The following ELMOD1 variants were observed in gnomAD, a reference collection of about 807,000 sequenced individuals.
ELMOD1 encodes ELMO domain containing 1.
Under a neutral mutation model 46.7 loss-of-function variants are expected in ELMOD1, and 21 were observed. That is an observed-to-expected ratio of 0.45 (90% CI 0.32 to 0.65). The LOEUF is 0.65. Among genes scored for constraint, ELMOD1 ranks in the 30% least tolerant of loss-of-function variants. The probability of loss-of-function intolerance (pLI) is 0.04; values close to 1 mark genes in which losing one functional copy is unlikely to be tolerated. For missense variants in ELMOD1, 348 were observed against 407.8 expected, an observed-to-expected ratio of 0.85 and a Z score of 1.26; for synonymous variants, 122 against 138.2, an observed-to-expected ratio of 0.88 and a Z score of 0.82.
chr11:107,664,741 G>C (rs535422064), intron 11 of ELMOD1, among the ~76,000 whole-genome samples: 1 of 136,660 alleles, frequency 7.3e-6, no homozygotes, highest in Non-Finnish European at 1.5e-5. Context: ...TTCCCGATGC[G>C]ATTCATACTC....
chr11:107,594,223 G>A (rs900121280), intron 1 of ELMOD1, among the ~76,000 whole-genome samples: 2 of 151,828 alleles, frequency 1.3e-5, no homozygotes, highest in African/African-American at 4.8e-5. Context: ...TAGCAGTTTT[G>A]ACAGGGCTGG....
chr11:107,612,166 G>T (rs950069448), intron 1 of ELMOD1, among the ~76,000 whole-genome samples: 2 of 152,156 alleles, frequency 1.3e-5, no homozygotes, highest in African/African-American at 4.8e-5. Flanking sequence ...GTATACCATA[G>T]AATACTACAC....
chr11:107,595,603 A>C (rs1192846929), intron 1 of ELMOD1, among the ~76,000 whole-genome samples: 6 of 152,182 alleles, frequency 3.9e-5, no homozygotes, highest in Admixed American at 2.0e-4. Context: ...CTTAACTGAA[A>C]TTGTGTGCCC....
chr11:107,622,836 C>T (rs1245290515), intron 2 of ELMOD1, among the ~76,000 whole-genome samples: 1 of 152,174 alleles, frequency 6.6e-6, no homozygotes. Context: ...ATACCTCTCT[C>T]ACTGTAGACT....
At chr11:107,615,497 T>G (rs1451348087) in intron 1 of ELMOD1, among the ~76,000 whole-genome samples, 1 of 152,056 alleles carries the variant, frequency 6.6e-6, no homozygotes, top group Non-Finnish European at 1.5e-5. Context: ...CCTCCCAAAG[T>G]GCTGGGATTA....
intron 2 of ELMOD1, 49 bp downstream of exon 2, chr11:107,618,255 T>C: frequency 6.5e-7 from 1 of 1,542,104 alleles, no homozygotes. Context: ...GGGAGAAACC[T>C]CCTCACTGGT....
intron 11 of ELMOD1, among the ~76,000 whole-genome samples, chr11:107,662,619 AAC>A (rs1491491446): frequency 1.4e-5 from 2 of 148,146 alleles, no homozygotes; most frequent in African/African-American, 5.1e-5. Context: ...TCAAAAAAAA[AAC>A]AACAAAAAAA....
chr11:107,657,354 GGCAACATA>G (rs1438704122), intron 11 of ELMOD1, among the ~76,000 whole-genome samples: 6 of 152,228 alleles, frequency 3.9e-5, no homozygotes, highest in South Asian at 2.1e-4. Flanking sequence ...GACCAGCCCA[GGCAACATA>G]GCGAGACCCT....
At chr11:107,648,922 G>C (rs757924734) in intron 7 of ELMOD1, among the ~76,000 whole-genome samples, 2 of 151,894 alleles carry the variant, frequency 1.3e-5, no homozygotes, top group Non-Finnish European at 2.9e-5. Context: ...TTTCAAGTTG[G>C]TTCTTGTGTC....
intron 5 of ELMOD1, among the ~76,000 whole-genome samples, chr11:107,633,680 C>T (rs913079131): frequency 6.6e-6 from 1 of 152,184 alleles, no homozygotes; most frequent in Non-Finnish European, 1.5e-5. Context: ...ATCTGCCCGC[C>T]TCTGCCTCCC....
chr11:107,620,779 G>A (rs540446342), intron 2 of ELMOD1, among the ~76,000 whole-genome samples: 3 of 152,320 alleles, frequency 2.0e-5, no homozygotes, highest in South Asian at 2.1e-4. Flanking sequence ...CAGGAGAATC[G>A]CTTGAACCAG....
intron 5 of ELMOD1, among the ~76,000 whole-genome samples, chr11:107,633,167 G>C (rs1011573860): frequency 2.6e-5 from 4 of 152,148 alleles, no homozygotes; most frequent in Admixed American, 2.0e-4. Context: ...TCCCAAGCAT[G>C]TCAGATAAGG....
At chr11:107,644,298 A>G (rs896826633) in intron 6 of ELMOD1, among the ~76,000 whole-genome samples, 1 of 151,530 alleles carries the variant, frequency 6.6e-6, no homozygotes, top group African/African-American at 2.4e-5. Flanking sequence ...CCTGTCTCCA[A>G]AGAAAAAAAA....
intron 1 of ELMOD1, among the ~76,000 whole-genome samples, chr11:107,614,336 A>T (rs1865825801): frequency 6.6e-6 from 1 of 152,054 alleles, no homozygotes; most frequent in South Asian, 2.1e-4. Context: ...TATTACAATC[A>T]GAGTATTTTG....
rs564742662 is a variant in ELMOD1, at chr11:107,655,842, G to A, written c.699-91G>A. The A allele has an allele frequency of 5.2e-6, 7 of 1,348,990 alleles. No individual in the cohort carries two copies. In the East Asian group the frequency reaches 9.8e-5, roughly 19 times the overall value. 83.6% of individuals were successfully genotyped at this position (1,348,990 alleles called of 1,614,324 possible). A position where few individuals can be genotyped will look rare whatever the true frequency, so the allele number is the denominator to read the frequency against. On this transcript the variant is annotated intron_variant, in intron 10 of 11. Transcript: ENST00000265840. ...ACCATGGCATTTGTACACTGTCGTGGCACTGGTAGGAGTGTCTTTTAGCAT... is the reference window on the plus strand; with the variant it reads ...ACCATGGCATTTGTACACTGTCGTGACACTGGTAGGAGTGTCTTTTAGCAT...
chr11:107,635,843 G>GA lies in ELMOD1; in HGVS notation c.420+78_420+79insA, dbSNP rs1866220941. 4 of 1,436,052 alleles carry GA rather than the reference G, an allele frequency of 2.8e-6. 1 individual carries two copies. In the East Asian group the frequency reaches 1.0e-4, roughly 37 times the overall value. 89.0% of individuals were successfully genotyped at this position (1,436,052 alleles called of 1,614,324 possible). ...AGGCACCTGCTATGTGCTAGGCGCT[G>GA]CTCTGGACATCAGGGGTACAAAGAT... On this transcript the variant is annotated intron_variant, in intron 6 of 11. Coordinates refer to ENST00000265840, the MANE Select transcript of ELMOD1 (RefSeq NM_018712.4).
chr11:107,595,984 C>T (rs1236079513), intron 1 of ELMOD1, among the ~76,000 whole-genome samples: 1 of 151,946 alleles, frequency 6.6e-6, no homozygotes, highest in Non-Finnish European at 1.5e-5. Flanking sequence ...TGGTGCAAGG[C>T]AAAATAATTG....
At chr11:107,603,401 T>TGGTGG in intron 1 of ELMOD1, among the ~76,000 whole-genome samples, 2 of 151,970 alleles carry the variant, frequency 1.3e-5, no homozygotes, top group South Asian at 4.2e-4. Flanking sequence ...TAGCTGTGCG[T>TGGTGG]GGTGGTGCAT....
At position 107,656,028 on chromosome 11, in the gene ELMOD1, C is replaced by T; in HGVS notation, c.794C>T (p.Pro265Leu). ...AAAACCCATTTCTACAATATCGCCC[C>T]AGAAGCTCCAACATTGTCTCACTTT... Reference protein sequence around the residue: ...ALKTHFYNIAPEAPTLSHFQQ... With the variant: ...ALKTHFYNIALEAPTLSHFQQ... The change falls in exon 11 of 12, where the codon CCA (proline) becomes CTA (leucine). Residue 265 changes from proline to leucine, a missense_variant. Physicochemically the swap from Pro to Leu is moderately conservative, Grantham distance 98. Coordinates refer to ENST00000265840, the MANE Select transcript of ELMOD1 (RefSeq NM_018712.4). 1.3e-6 allele frequency: 2 copies of T among 1,560,384 alleles called. No individual in the cohort carries two copies. Among genetic ancestry groups the T allele is most frequent in the Non-Finnish European group, 1.7e-6 (2 of 1,150,508 alleles).
Sources: gnomAD v4.1 joint callset for allele counts (sites outside exome capture counted in the v4.1 genomes callset) on GRCh38, gnomAD v4.1.1 for gene constraint, MANE v1.5 for transcripts, NCBI Gene and HGNC (gene_info 2026-07-23, HGNC 2026-07-21) for gene names.